The following DBX2 variants were observed in gnomAD, a reference collection of about 807,000 sequenced individuals.
The protein encoded by DBX2 is developing brain homeobox 2.
Under a neutral mutation model 17.7 loss-of-function variants are expected in DBX2, and 16 were observed. That is an observed-to-expected ratio of 0.90 (90% CI 0.61 to 1.37). The LOEUF (loss-of-function observed/expected upper bound fraction) is 1.37, where lower values mean the gene tolerates loss of function less well. Ranked by LOEUF, DBX2 falls within the 40% of genes most tolerant of loss-of-function variation. The pLI is 0.00. For missense variants in DBX2, 538 were observed against 433.8 expected (o/e 1.24, Z -2.13); for synonymous variants, 255 against 183.8 (o/e 1.39, Z -3.13).
chr12:45,016,307 A>G lies in DBX2; in HGVS notation c.999T>C (p.Gly333=). 3 of 1,584,524 alleles carry G rather than the reference A, an allele frequency of 1.9e-6. No individual in the cohort carries two copies. The highest frequency in any genetic ancestry group is 2.2e-5 in the East Asian group (1 of 44,648). The change falls in exon 4 of 4, where the codon GGT becomes GGC. Residue 333 remains glycine, a synonymous_variant. Transcript: ENST00000332700. ...LCSEEEAGSK[G]VLTGAV ...CCATTCAGACAGCCCCAGTAAGTAC[A>G]CCCTTGCTTCCAGCTTCTTCTTCAG...
rs1946320308 is a variant in DBX2 at position 45,015,850 on chromosome 12, T to C, written c.*436A>G. On this transcript the variant is annotated 3_prime_UTR_variant, in exon 4 of 4. Transcript: ENST00000332700. The stretch of plus-strand genomic sequence containing the variant: ...GAAAGTTTGCACTAAAGTCCAAATT[T>C]TACATTATTTTCAAAAAGTTAATAA... The C allele has an allele frequency of 6.5e-6, 1 of 152,686 alleles. No individual in the cohort carries two copies. 9.5% of individuals were successfully genotyped at this position (152,686 alleles called of 1,614,324 possible).
intron 3 of DBX2, among the ~76,000 whole-genome samples, chr12:45,018,098 T>G (rs1425935405): frequency 2.0e-5 from 3 of 152,198 alleles, no homozygotes; most frequent in Non-Finnish European, 4.4e-5. Context: ...GATTAAGGCT[T>G]TTCATACGAA....
chr12:45,046,730 G>C (rs1053028151), intron 1 of DBX2, among the ~76,000 whole-genome samples: 2 of 152,072 alleles, frequency 1.3e-5, no homozygotes, highest in Admixed American at 1.3e-4. Flanking sequence ...AACAATTAAT[G>C]GGTAAACAGT....
rs1344564797 is a variant in DBX2 at position 45,042,044 on chromosome 12, C to T, written c.404-5930G>A. On this transcript the variant is annotated intron_variant, in intron 1 of 3. Coordinates refer to ENST00000332700, the MANE Select transcript of DBX2 (RefSeq NM_001004329.3). ...TTGTCTGGGCTGCTTCTCAAAGATA[C>T]AGATGCCTAGCCCCCACATCAATTG... is the stretch of plus-strand genomic sequence containing the variant. Among the ~76,000 whole-genome samples the T allele has an allele frequency of 3.3e-5, 5 of 152,196 alleles. No homozygotes were observed. In the East Asian group the frequency reaches 9.6e-4, roughly 29 times the overall value.
At chr12:45,037,529 C>T in intron 1 of DBX2, among the ~76,000 whole-genome samples, 1 of 152,140 alleles carries the variant, frequency 6.6e-6, no homozygotes, top group East Asian at 1.9e-4. Flanking sequence ...AAATCTAAAA[C>T]ATGACTTGAA....
At position 45,051,008 on chromosome 12, in the gene DBX2, C is replaced by A; in HGVS notation, c.-81G>T. 7.6e-7 allele frequency: 1 copy of A among 1,310,166 alleles called. No individual in the cohort carries two copies. The highest frequency in any genetic ancestry group is 9.7e-7 in the Non-Finnish European group (1 of 1,033,822). The allele number at this position is 1,310,166 out of a possible 1,614,324, so 81.2% of individuals were successfully genotyped here. ...GCGCCCCGCACCGCACCCAGAGCCG[C>A]AGCTTCTCGCCGCCGCCTCCCGCAG... On this transcript the variant is annotated 5_prime_UTR_variant, in exon 1 of 4. Coordinates refer to ENST00000332700, the MANE Select transcript of DBX2 (RefSeq NM_001004329.3).
intron 2 of DBX2, among the ~76,000 whole-genome samples, chr12:45,029,917 T>C (rs1214577447): frequency 1.0e-5 from 1 of 97,858 alleles, no homozygotes; most frequent in Non-Finnish European, 2.2e-5. Context: ...TAAATAAAAA[T>C]AAAGAATGAC....
chr12:45,050,629 C>T lies in DBX2; in HGVS notation c.299G>A (p.Gly100Glu), dbSNP rs750113512. The T allele has an allele frequency of 5.2e-6, 8 of 1,550,070 alleles. No homozygotes were observed. The highest frequency in any genetic ancestry group is 2.4e-5 in the South Asian group (2 of 84,100). Residue 100 changes from glycine (G) to glutamate (E), a missense_variant, in exon 1 of 4, where the codon GGA (glycine) becomes GAA (glutamate). Transcript: ENST00000332700. ...EQVSPAGAPY[G>E]TRWAFQVLSP... ...GAGCACTTGAAAAGCCCACCGCGTT[C>T]CGTAGGGCGCCCCGGCGGGGCTAAC...
At chr12:45,023,478 A>C (rs930471147) in intron 3 of DBX2, among the ~76,000 whole-genome samples, 11 of 152,250 alleles carry the variant, frequency 7.2e-5, no homozygotes, top group African/African-American at 2.7e-4. Context: ...TCCAATAGGA[A>C]ATGGGACATA....
At chr12:45,038,821 T>C (rs919883616) in intron 1 of DBX2, among the ~76,000 whole-genome samples, 1 of 152,046 alleles carries the variant, frequency 6.6e-6, no homozygotes, top group African/African-American at 2.4e-5. Flanking sequence ...AGAAAAACCA[T>C]TTTAATTGAA....
chr12:45,044,448 A>G (rs1466069018), intron 1 of DBX2, among the ~76,000 whole-genome samples: 3 of 152,190 alleles, frequency 2.0e-5, no homozygotes, highest in Admixed American at 6.5e-5. Context: ...AGAAATTTTG[A>G]GCCTTTTCAA....
chr12:45,018,265 C>T (rs549255590), intron 3 of DBX2, among the ~76,000 whole-genome samples: 169 of 152,244 alleles, frequency 1.1e-3, no homozygotes, highest in Middle Eastern at 0.01. Context: ...TTGCCTTTGT[C>T]ATCACATTTG....
At position 45,030,140 on chromosome 12, in the gene DBX2, T is replaced by G. The variant is rs1946401867; in HGVS notation, c.499+5879A>C. 2.0e-5 allele frequency among the ~76,000 whole-genome samples: 3 copies of G among 152,088 alleles called. No individual in the cohort carries two copies. In the South Asian group the frequency reaches 6.2e-4, roughly 32 times the overall value. ...GACAGAGAAACACAGCATTGGACAA[T>G]CTAGTGATCATCATCGCCTCTCCCT... is the stretch of plus-strand genomic sequence containing the variant. On this transcript the variant is annotated intron_variant, in intron 2 of 3. Coordinates refer to ENST00000332700, the MANE Select transcript of DBX2 (RefSeq NM_001004329.3).
chr12:45,037,999 T>C (rs1042679638), intron 1 of DBX2, among the ~76,000 whole-genome samples: 1 of 152,114 alleles, frequency 6.6e-6, no homozygotes, highest in African/African-American at 2.4e-5. Flanking sequence ...TTTTGAAGTT[T>C]CATTGTTATC....
chr12:45,021,953 T>C (rs1946354520), intron 3 of DBX2, among the ~76,000 whole-genome samples: 1 of 141,400 alleles, frequency 7.1e-6, no homozygotes, highest in Non-Finnish European at 1.5e-5. Context: ...TCAGTATTTA[T>C]CAATACTCCC....
At chr12:45,025,476 C>T (rs1446698605) in intron 2 of DBX2, among the ~76,000 whole-genome samples, 1 of 152,034 alleles carries the variant, frequency 6.6e-6, no homozygotes, top group Non-Finnish European at 1.5e-5. Context: ...CTTTAAGACA[C>T]TCAGTTCATG....
intron 1 of DBX2, among the ~76,000 whole-genome samples, chr12:45,046,275 C>A (rs978939892): frequency 3.3e-5 from 5 of 152,078 alleles, no homozygotes; most frequent in African/African-American, 4.8e-5. Flanking sequence ...GTATGTTGAG[C>A]AGATTACAGA....
rs1946319052 is a variant in DBX2, at chr12:45,015,629, G to A, written c.*657C>T. 6.6e-6 allele frequency: 1 copy of A among 152,052 alleles called. No homozygotes were observed. The highest frequency in any genetic ancestry group is 2.4e-5 in the African/African-American group (1 of 41,390). 9.4% of individuals were successfully genotyped at this position (152,052 alleles called of 1,614,324 possible). A position where few individuals can be genotyped will look rare whatever the true frequency, so the allele number is the denominator to read the frequency against. On this transcript the variant is annotated 3_prime_UTR_variant, in exon 4 of 4. Coordinates refer to ENST00000332700, the MANE Select transcript of DBX2 (RefSeq NM_001004329.3). ...GATGGTCCAGAGACTTGGAGATTAA[G>A]GATACTAATAGTTATATACAGAAAT...
rs139910495 is a variant in DBX2, at chr12:45,050,733, G to A, written c.195C>T (p.Ala65=). 32,306 of 1,496,412 alleles carry A rather than the reference G, an allele frequency of 0.022. 1,046 individuals carry two copies. Among genetic ancestry groups the A allele is most frequent in the East Asian group, 0.2 (7,150 of 35,276 alleles). The allele number at this position is 1,496,412 out of a possible 1,614,324, so 92.7% of individuals were successfully genotyped here. The change falls in exon 1 of 4, where the codon GCC becomes GCT. Residue 65 remains alanine (A), a synonymous_variant. Transcript: ENST00000332700. ...GGAGCTGCGCGCCCGCGGTGGCCAG[G>A]GCGGTCGCCGGGTCGTGGGGCGCGG... ...QPPAPHDPAT[A]LATAGAQLRP... is the part of the protein sequence containing the mutation.
Sources: allele counts gnomAD v4.1 joint callset (sites outside exome capture counted in the v4.1 genomes callset), GRCh38; gene constraint gnomAD v4.1.1; transcripts MANE v1.5; gene names NCBI Gene and HGNC (gene_info 2026-07-23, HGNC 2026-07-21).